The following PPP3R1 variants were observed in gnomAD, a reference collection of about 807,000 sequenced individuals.
The protein encoded by PPP3R1 is calcineurin subunit B type 1.
In PPP3R1, 5 loss-of-function variants were observed where a neutral mutation model predicts 22.6. The ratio of observed to expected loss-of-function variants is 0.22; its 90% CI spans 0.12 to 0.46. The LOEUF (loss-of-function observed/expected upper bound fraction) is 0.46, where lower values mean the gene tolerates loss of function less well. Ranked by LOEUF, PPP3R1 falls within the 20% of genes least tolerant of loss-of-function variation. The pLI is 0.99. For missense variants in PPP3R1, 61 were observed against 203.2 expected (o/e 0.30, Z 4.25); for synonymous variants, 56 against 65.2 (o/e 0.86, Z 0.68).
chr2:68,248,800 G>A lies in PPP3R1; in HGVS notation c.3+3325C>T, dbSNP rs547834744. On this transcript the variant is annotated intron_variant, in intron 1 of 5. Coordinates refer to ENST00000234310, the MANE Select transcript of PPP3R1 (RefSeq NM_000945.4). ...CTTCATAAAACTTTTCCTAATCCCA[G>A]GTGAAAATGATCTTGCTCCTTCTTA... Among the ~76,000 whole-genome samples the A allele has an allele frequency of 5.3e-5, 8 of 152,232 alleles. No homozygotes were observed. In the East Asian group the frequency reaches 1.5e-3, roughly 29 times the overall value.
intron 2 of PPP3R1, among the ~76,000 whole-genome samples, chr2:68,205,242 CTT>C (rs397984912): frequency 4.1e-4 from 50 of 123,454 alleles, no homozygotes; most frequent in Non-Finnish European, 4.7e-4. Flanking sequence ...TCAGTATTAT[CTT>C]TTTTTTTTTT....
At chr2:68,204,302 T>C (rs997527125) in intron 2 of PPP3R1, among the ~76,000 whole-genome samples, 1 of 151,612 alleles carries the variant, frequency 6.6e-6, no homozygotes, top group Non-Finnish European at 1.5e-5. Context: ...CAACACTGAA[T>C]TGAATGACAT....
intron 1 of PPP3R1, among the ~76,000 whole-genome samples, chr2:68,244,751 TA>T (rs1670202839): frequency 6.6e-6 from 1 of 152,046 alleles, no homozygotes; most frequent in Admixed American, 6.6e-5. Context: ...CTTTCTTTCA[TA>T]AATGTCTCAA....
At chr2:68,214,809 C>G (rs1196276508) in intron 2 of PPP3R1, among the ~76,000 whole-genome samples, 1 of 152,106 alleles carries the variant, frequency 6.6e-6, no homozygotes, top group African/African-American at 2.4e-5. Flanking sequence ...ATCATTCTAA[C>G]ATAAAGACAC....
At chr2:68,232,124 T>TATATACACACACACACAC (rs1553408863) in intron 1 of PPP3R1, among the ~76,000 whole-genome samples, 1 of 97,990 alleles carries the variant, frequency 1.0e-5, no homozygotes, top group Non-Finnish European at 1.9e-5. Flanking sequence ...TATATATATA[T>TATATACACACACACACAC]ACACACACAC....
At chr2:68,231,650 G>A (rs1022341728) in intron 1 of PPP3R1, among the ~76,000 whole-genome samples, 2 of 152,046 alleles carry the variant, frequency 1.3e-5, no homozygotes, top group Non-Finnish European at 2.9e-5. Context: ...TGTAGTTATT[G>A]GTTGAGATTT....
At chr2:68,197,160 C>T (rs981735780) in intron 2 of PPP3R1, among the ~76,000 whole-genome samples, 3 of 152,200 alleles carry the variant, frequency 2.0e-5, no homozygotes, top group African/African-American at 4.8e-5. Context: ...GATAAAAGAA[C>T]ATTCCATGAC....
chr2:68,198,845 A>C (rs1674895078), intron 2 of PPP3R1, among the ~76,000 whole-genome samples: 2 of 151,686 alleles, frequency 1.3e-5, no homozygotes, highest in South Asian at 4.2e-4. Context: ...GGTCTTTTTA[A>C]GTTCCAATAA....
At chr2:68,212,129 G>A (rs1033509226) in intron 2 of PPP3R1, among the ~76,000 whole-genome samples, 1 of 152,142 alleles carries the variant, frequency 6.6e-6, no homozygotes, top group Non-Finnish European at 1.5e-5. Context: ...CGCCCAGGCT[G>A]GAGCGCAGTA....
At chr2:68,205,242 CTTTTTTTT>C (rs397984912) in intron 2 of PPP3R1, among the ~76,000 whole-genome samples, 5 of 123,486 alleles carry the variant, frequency 4.0e-5, no homozygotes, top group East Asian at 2.3e-4. Context: ...TCAGTATTAT[CTTTTTTTT>C]TTTTTTTTTT....
rs1186061249 is a variant in PPP3R1, at chr2:68,180,911, T to A, written c.*52A>T. 6.5e-7 allele frequency: 1 copy of A among 1,532,860 alleles called. No individual in the cohort carries two copies. The highest frequency in any genetic ancestry group is 9.0e-7 in the Non-Finnish European group (1 of 1,107,870). The allele number at this position is 1,532,860 out of a possible 1,614,324, so 95.0% of individuals were successfully genotyped here. ...CATTGCTGGACGTCTTGAGCAGATC[T>A]TCAGAGATGGAGAAGAAAGCAAAAG... On this transcript the variant is annotated 3_prime_UTR_variant, in exon 6 of 6. Transcript: ENST00000234310.
chr2:68,202,310 A>G (rs1250083883), intron 2 of PPP3R1, among the ~76,000 whole-genome samples: 2 of 152,240 alleles, frequency 1.3e-5, no homozygotes, highest in Non-Finnish European at 2.9e-5. Context: ...GAACCTCATT[A>G]CCGAAACTAC....
chr2:68,236,384 A>T (rs919499691), intron 1 of PPP3R1, among the ~76,000 whole-genome samples: 2 of 152,148 alleles, frequency 1.3e-5, no homozygotes, highest in African/African-American at 4.8e-5. Flanking sequence ...AATATTTATT[A>T]TCTGGTCCTT....
chr2:68,251,407 T>C (rs1284986633), intron 1 of PPP3R1, among the ~76,000 whole-genome samples: 1 of 152,140 alleles, frequency 6.6e-6, no homozygotes. Context: ...AACGGAAGCA[T>C]GAAAAATTAA....
At chr2:68,196,687 G>A (rs1456936384) in intron 2 of PPP3R1, among the ~76,000 whole-genome samples, 3 of 151,488 alleles carry the variant, frequency 2.0e-5, no homozygotes, top group Admixed American at 1.3e-4. Flanking sequence ...GCAAAAACTC[G>A]GTATCACCAC....
At chr2:68,234,368 C>T (rs1348592725) in intron 1 of PPP3R1, among the ~76,000 whole-genome samples, 2 of 151,968 alleles carry the variant, frequency 1.3e-5, no homozygotes, top group Non-Finnish European at 2.9e-5. Flanking sequence ...GCTTAAGCAG[C>T]TTGCACAAGG....
At chr2:68,214,630 A>G (rs1165008942) in intron 2 of PPP3R1, among the ~76,000 whole-genome samples, 4 of 152,184 alleles carry the variant, frequency 2.6e-5, no homozygotes, top group Non-Finnish European at 5.9e-5. Flanking sequence ...TCTAAAAATA[A>G]CAGATGCTGG....
chr2:68,246,067 C>CTTTTT (rs746584723), intron 1 of PPP3R1, among the ~76,000 whole-genome samples: 63 of 73,802 alleles, frequency 8.5e-4, no homozygotes, highest in Non-Finnish European at 1.0e-3. Flanking sequence ...TTCTTTCTTT[C>CTTTTT]TTTTTTTTTT....
At position 68,217,121 on chromosome 2, in the gene PPP3R1, G is replaced by C; in HGVS notation, c.14C>G (p.Ala5Gly). Residue 5 changes from alanine (A) to glycine (G), a missense_variant, in exon 2 of 6, where the codon GCA becomes GGA. By Grantham distance (60) the Ala-to-Gly change is moderately conservative (BLOSUM62 0). Coordinates refer to ENST00000234310, the MANE Select transcript of PPP3R1 (RefSeq NM_000945.4). The stretch of plus-strand genomic sequence containing the variant: ...TGAGCACATTTCCAAAGGATAACTT[G>C]CCTCATTTCCCTGGGGGGAAAGAAA... MGNE[A>G]SYPLEMCSHF... The C allele has an allele frequency of 6.3e-7, 1 of 1,595,566 alleles. No homozygotes were observed.
Sources: gnomAD v4.1 joint callset for allele counts (sites outside exome capture counted in the v4.1 genomes callset) on GRCh38, gnomAD v4.1.1 for gene constraint, MANE v1.5 for transcripts, NCBI Gene and HGNC (gene_info 2026-07-23, HGNC 2026-07-21) for gene names.